The following VPS54 variants were observed in gnomAD, a reference collection of about 807,000 sequenced individuals.
The protein encoded by VPS54 is vacuolar protein sorting-associated protein 54.
A neutral mutation model predicts 121.5 loss-of-function variants in VPS54; 45 were observed. That is an observed-to-expected ratio of 0.37 (90% CI 0.29 to 0.47). The LOEUF is 0.47. VPS54 is among the 20% of genes least tolerant of loss of function. The pLI, the probability that VPS54 is intolerant of heterozygous loss-of-function variation, is 0.99. For synonymous variants in VPS54, 371 were observed against 385.8 expected (o/e 0.96, Z 0.45); for missense variants, 1,090 against 1,131.4 (o/e 0.96, Z 0.52).
rs115249335 is a variant in VPS54 at position 63,902,194 on chromosome 2, T to C, written c.2626-2613A>G. 5.8e-3 allele frequency among the ~76,000 whole-genome samples: 882 copies of C among 152,226 alleles called. 10 individuals are homozygous for C. The highest frequency in any genetic ancestry group is 0.02 in the African/African-American group (822 of 41,540). ...ACAAGAAGAACAAGCATTTCCCCTATTACCCTTAAGAGCCTAGCAATGAGA... is the reference window on the plus strand; with the variant it reads ...ACAAGAAGAACAAGCATTTCCCCTACTACCCTTAAGAGCCTAGCAATGAGA... On this transcript the variant is annotated intron_variant, in intron 20 of 22. Coordinates refer to ENST00000272322, the MANE Select transcript of VPS54 (RefSeq NM_016516.3).
chr2:63,981,265 A>T (rs1676787854), intron 3 of VPS54, among the ~76,000 whole-genome samples: 1 of 152,118 alleles, frequency 6.6e-6, no homozygotes, highest in South Asian at 2.1e-4. Flanking sequence ...TATCTGCTAG[A>T]GCTAGGGTGC....
Position 63,949,096 on chromosome 2 carries a change from T to C in VPS54, c.1078A>G (p.Thr360Ala), listed in dbSNP as rs200574098. 72 of 1,611,666 alleles carry C rather than the reference T, an allele frequency of 4.5e-5. No homozygotes were observed. Among genetic ancestry groups the C allele is most frequent in the East Asian group, 4.0e-4 (18 of 44,780 alleles). ...IDKMMIAEFSTYSHSDLNRPL... is the reference protein window; with the variant it reads ...IDKMMIAEFSAYSHSDLNRPL... ...CTATTTAAGTCACTGTGAGAATAAG[T>C]AGAAAATTCTGCAATCATCATTTTA... Residue 360 changes from threonine (T) to alanine (A), a missense_variant, in exon 8 of 23, where the codon ACT becomes GCT. Transcript: ENST00000272322.
At chr2:63,993,288 C>T (rs1055464345) in intron 1 of VPS54, among the ~76,000 whole-genome samples, 2 of 152,194 alleles carry the variant, frequency 1.3e-5, no homozygotes, top group African/African-American at 4.8e-5. Flanking sequence ...CCGACCTATG[C>T]ACTAACTTGT....
chr2:63,981,240 T>C (rs1473765389), intron 3 of VPS54, among the ~76,000 whole-genome samples: 1 of 152,132 alleles, frequency 6.6e-6, no homozygotes, highest in Non-Finnish European at 1.5e-5. Context: ...TAATTATGTC[T>C]GGAGATATTA....
At chr2:63,975,914 T>G (rs556445000) in intron 3 of VPS54, among the ~76,000 whole-genome samples, 59 of 152,302 alleles carry the variant, frequency 3.9e-4, no homozygotes, top group African/African-American at 1.3e-3. Context: ...CCCAGCTAAA[T>G]TTTGTGTTTT....
At chr2:63,945,306 T>C (rs567675493) in intron 9 of VPS54, among the ~76,000 whole-genome samples, 2 of 152,260 alleles carry the variant, frequency 1.3e-5, no homozygotes, top group African/African-American at 4.8e-5. Context: ...AACCAAATAC[T>C]GCATGTTCTC....
chr2:63,925,503 C>G (rs1162973091), intron 12 of VPS54, among the ~76,000 whole-genome samples: 2 of 152,156 alleles, frequency 1.3e-5, no homozygotes, highest in East Asian at 3.9e-4. Flanking sequence ...TACTTTGTTT[C>G]CAGGTATATA....
intron 17 of VPS54, chr2:63,913,916 T>G: frequency 8.2e-7 from 1 of 1,219,104 alleles, no homozygotes; most frequent in Non-Finnish European, 1.0e-6. Context: ...GCCTCAGTCA[T>G]GTTCAGCACC....
rs539016090 is a variant in VPS54, at chr2:63,972,834, T to C, written c.379-590A>G. Among the ~76,000 whole-genome samples the C allele has an allele frequency of 2.1e-4, 31 of 150,848 alleles. No homozygotes were observed. In the South Asian group the frequency reaches 6.3e-3, roughly 31 times the overall value. Reference sequence around the variant, plus strand: ...CAGAGGCTGCAGTGAACCGAGATCATGCCATTGCACTCCAGCCTGGGTGGC... The same window carrying C: ...CAGAGGCTGCAGTGAACCGAGATCACGCCATTGCACTCCAGCCTGGGTGGC... On this transcript the variant is annotated intron_variant, in intron 3 of 22. Transcript: ENST00000272322.
At chr2:64,009,312 A>G (rs1448068858) in intron 1 of VPS54, among the ~76,000 whole-genome samples, 1 of 151,932 alleles carries the variant, frequency 6.6e-6, no homozygotes, top group Non-Finnish European at 1.5e-5. Flanking sequence ...AAGATACTAT[A>G]CATTTTCTTT....
intron 12 of VPS54, among the ~76,000 whole-genome samples, chr2:63,923,922 T>G (rs527668995): frequency 6.6e-6 from 1 of 152,202 alleles, no homozygotes; most frequent in South Asian, 2.1e-4. Context: ...TCAGAGCCGT[T>G]GTATGAAAGA....
chr2:63,897,667 G>T (rs940146412), intron 21 of VPS54, 77 bp from the exon 22 acceptor site: 10 of 913,774 alleles, frequency 1.1e-5, no homozygotes, highest in East Asian at 2.9e-5. Context: ...ATTATTTAGA[G>T]AAAGTATTTT....
At chr2:63,993,640 C>T (rs1388074077) in intron 1 of VPS54, among the ~76,000 whole-genome samples, 2 of 152,158 alleles carry the variant, frequency 1.3e-5, no homozygotes, top group Admixed American at 1.3e-4. Flanking sequence ...TAAATCGGCT[C>T]GAAGTTCAAG....
chr2:63,923,875 C>G (rs1198869238), intron 12 of VPS54, among the ~76,000 whole-genome samples: 2 of 152,136 alleles, frequency 1.3e-5, no homozygotes, highest in Non-Finnish European at 2.9e-5. Flanking sequence ...ATCAGTGATT[C>G]AATTATATAC....
chr2:64,014,681 T>C (rs2104713413), intron 1 of VPS54, among the ~76,000 whole-genome samples: 1 of 152,370 alleles, frequency 6.6e-6, no homozygotes, highest in South Asian at 2.1e-4. Context: ...TTGATTCTTC[T>C]GAAGCGAATA....
chr2:63,985,433 ATC>A (rs1311068315), intron 1 of VPS54, among the ~76,000 whole-genome samples: 4 of 152,336 alleles, frequency 2.6e-5, no homozygotes, highest in African/African-American at 9.6e-5. Context: ...AAAAATATGT[ATC>A]TGTCTCAGTA....
intron 5 of VPS54, among the ~76,000 whole-genome samples, chr2:63,967,295 A>G (rs1676045973): frequency 1.3e-5 from 2 of 152,184 alleles, no homozygotes; most frequent in Admixed American, 6.5e-5. Context: ...ATTATAACTA[A>G]AAGTATTGAT....
intron 1 of VPS54, among the ~76,000 whole-genome samples, chr2:64,010,667 C>T (rs1370479598): frequency 7.0e-6 from 1 of 142,510 alleles, no homozygotes; most frequent in Non-Finnish European, 1.5e-5. Context: ...TATACTTCTA[C>T]ACTATTTATC....
intron 20 of VPS54, among the ~76,000 whole-genome samples, chr2:63,907,634 G>A (rs946449518): frequency 6.6e-6 from 1 of 151,936 alleles, no homozygotes; most frequent in Non-Finnish European, 1.5e-5. Context: ...CTAAGACACT[G>A]TTCATGAAAG....
Sources: allele counts gnomAD v4.1 joint callset (sites outside exome capture counted in the v4.1 genomes callset), GRCh38; gene constraint gnomAD v4.1.1; transcripts MANE v1.5; gene names NCBI Gene and HGNC (gene_info 2026-07-23, HGNC 2026-07-21).